TJP2: variants seen among roughly 807,000 people sequenced by gnomAD.
TJP2 encodes the protein Friedreich ataxia region gene X104 (tight junction protein ZO-2).
TJP2 carries 91 observed loss-of-function variants against 133.1 expected under a neutral mutation model. The ratio of observed to expected loss-of-function variants is 0.68; its 90% CI spans 0.58 to 0.81. The LOEUF (loss-of-function observed/expected upper bound fraction) is 0.81, where lower values mean the gene tolerates loss of function less well. Ranked by LOEUF, TJP2 falls within the 40% of genes least tolerant of loss-of-function variation. The pLI, the probability that TJP2 is intolerant of heterozygous loss-of-function variation, is 0.00. For missense variants in TJP2, 1,541 were observed against 1,565.6 expected (o/e 0.98, Z 0.26); for synonymous variants, 592 against 583.4 (o/e 1.01, Z -0.21).
intron 1 of TJP2, among the ~76,000 whole-genome samples, chr9:69,187,652 G>A (rs1348732363): frequency 1.3e-5 from 2 of 152,234 alleles, no homozygotes; most frequent in Non-Finnish European, 2.9e-5. Context: ...CAGAAGATCG[G>A]TGTGTTTTCA....
At chr9:69,155,798 AC>A (rs751393612) in intron 2 of TJP2, among the ~76,000 whole-genome samples, 5 of 152,134 alleles carry the variant, frequency 3.3e-5, no homozygotes, top group Non-Finnish European at 7.4e-5. Context: ...TACTGCCCTC[AC>A]CCCCTTAAGA....
intron 18 of TJP2, among the ~76,000 whole-genome samples, chr9:69,247,500 G>C (rs1034133037): frequency 1.3e-5 from 2 of 152,220 alleles, no homozygotes; most frequent in African/African-American, 2.4e-5. Flanking sequence ...TTGAGAACTA[G>C]ATGTGTAGTC....
At position 69,246,468 on chromosome 9, in the gene TJP2, C is replaced by T. The variant is rs566871888; in HGVS notation, c.2567-222C>T. 4.3e-4 allele frequency: 228 copies of T among 531,218 alleles called. 2 individuals carry two copies. In the South Asian group the frequency reaches 4.5e-3, roughly 10 times the overall value. The allele number at this position is 531,218 out of a possible 1,614,324, so 32.9% of individuals were successfully genotyped here. On this transcript the variant is annotated intron_variant, in intron 17 of 22. Transcript: ENST00000377245. ...AAACATTCTAAAAATCTATTTTTAG[C>T]TTTATCACATCCACCTATAATGTGA...
intron 1 of TJP2, among the ~76,000 whole-genome samples, chr9:69,204,298 A>G (rs7038854): frequency 0.38 from 57,747 of 152,070 alleles, 11,229 homozygotes; most frequent in South Asian, 0.44. Flanking sequence ...TTACATTTGC[A>G]CGCTGTTTGG....
At chr9:69,197,138 G>T (rs1471202072) in intron 1 of TJP2, among the ~76,000 whole-genome samples, 1 of 152,056 alleles carries the variant, frequency 6.6e-6, no homozygotes, top group Non-Finnish European at 1.5e-5. Context: ...CTAATTTTTT[G>T]TGTTTTTAGT....
At chr9:69,149,235 C>T (rs1037957529) in intron 1 of TJP2, among the ~76,000 whole-genome samples, 2 of 152,146 alleles carry the variant, frequency 1.3e-5, no homozygotes, top group Non-Finnish European at 2.9e-5. Flanking sequence ...GCAGAAAACT[C>T]CTTAAATTAA....
chr9:69,194,370 T>G (rs1223110829), intron 1 of TJP2, among the ~76,000 whole-genome samples: 1 of 152,204 alleles, frequency 6.6e-6, no homozygotes. Context: ...TGCCGTTTGA[T>G]CTATAGTTAA....
At chr9:69,179,115 G>C (rs559169757) in intron 1 of TJP2, among the ~76,000 whole-genome samples, 1 of 152,172 alleles carries the variant, frequency 6.6e-6, no homozygotes, top group Non-Finnish European at 1.5e-5. Context: ...GCAGGCGAAT[G>C]AATCAAGGAG....
chr9:69,254,485 T>C lies in TJP2; in HGVS notation c.*111T>C, dbSNP rs1464458532. On this transcript the variant is annotated 3_prime_UTR_variant, in exon 23 of 23. Transcript: ENST00000377245. ...GTTAGAATGCACCATGGAGACGTGG[T>C]GGGACTCCAGCTCGTGTGTCCTCAT... The C allele has an allele frequency of 7.2e-7, 1 of 1,396,398 alleles. No homozygotes were observed. The highest frequency in any genetic ancestry group is 1.8e-5 in the Admixed American group (1 of 55,048). The allele number at this position is 1,396,398 out of a possible 1,614,324, so 86.5% of individuals were successfully genotyped here. A position where few individuals can be genotyped will look rare whatever the true frequency, so the allele number is the denominator to read the frequency against.
At chr9:69,221,865 T>A (rs1172488396) in intron 5 of TJP2, among the ~76,000 whole-genome samples, 1 of 80,152 alleles carries the variant, frequency 1.2e-5, no homozygotes, top group Non-Finnish European at 2.4e-5. Flanking sequence ...AATAGCTACT[T>A]TTTTTTTTTT....
chr9:69,231,747 C>CT (rs1481955578), intron 11 of TJP2, among the ~76,000 whole-genome samples: 6 of 152,144 alleles, frequency 3.9e-5, no homozygotes, highest in African/African-American at 1.4e-4. Context: ...ATCTAGAAGA[C>CT]TATGTACCTG....
intron 17 of TJP2, 43 bp from the exon 18 acceptor site, chr9:69,246,647 C>T (rs552355386): frequency 1.3e-5 from 20 of 1,512,014 alleles, no homozygotes; most frequent in Non-Finnish European, 1.7e-5. Context: ...AATAAACATG[C>T]CTCTGGAAAT....
chr9:69,221,188 G>T lies in TJP2; in HGVS notation c.644G>T (p.Arg215Leu). 6.3e-7 allele frequency: 1 copy of T among 1,599,618 alleles called. No individual in the cohort carries two copies. Among genetic ancestry groups the T allele is most frequent in the Non-Finnish European group, 8.5e-7 (1 of 1,173,118 alleles). ...CAAGACCATGCGCGCACCCGAGACC[G>T]CAGCCGTGGCCGGAGCCTGGAGCGG... ...LDQDHARTRD[R>L]SRGRSLERGL... The change falls in exon 5 of 23, where the codon CGC becomes CTC. Residue 215 changes from arginine (R) to leucine (L), a missense_variant. By Grantham distance (102) the Arg-to-Leu change is moderately radical. Coordinates refer to ENST00000377245, the MANE Select transcript of TJP2 (RefSeq NM_004817.4).
chr9:69,248,823 A>G (rs1831116464), intron 19 of TJP2: 1 of 994,438 alleles, frequency 1.0e-6, no homozygotes, highest in African/African-American at 1.7e-5. Context: ...CAAGTTAGCA[A>G]TTATTAGTTG....
intron 1 of TJP2, among the ~76,000 whole-genome samples, chr9:69,180,543 T>C (rs1205101853): frequency 6.6e-6 from 1 of 152,230 alleles, no homozygotes; most frequent in African/African-American, 2.4e-5. Flanking sequence ...GTTTCTTTGA[T>C]GCCTACTAAA....
At chr9:69,177,676 GCT>G (rs1486151902) in intron 1 of TJP2, among the ~76,000 whole-genome samples, 1 of 151,094 alleles carries the variant, frequency 6.6e-6, no homozygotes, top group Non-Finnish European at 1.5e-5. Flanking sequence ...ATGGAGTCTT[GCT>G]CTGTTGCCCA....
chr9:69,190,609 C>T (rs1483704883), intron 1 of TJP2, among the ~76,000 whole-genome samples: 1 of 152,038 alleles, frequency 6.6e-6, no homozygotes, highest in African/African-American at 2.4e-5. Flanking sequence ...TAAGGACAGA[C>T]CTAAAGTTTG....
intron 4 of TJP2, among the ~76,000 whole-genome samples, chr9:69,219,897 C>T (rs944441558): frequency 1.4e-4 from 21 of 150,978 alleles, no homozygotes; most frequent in Middle Eastern, 3.4e-3. Context: ...CAGTGGTTCA[C>T]GCCAGCACTT....
chr9:69,226,029 G>A lies in TJP2; in HGVS notation c.1064G>A (p.Gly355Glu). 1 of 1,613,988 alleles carries A rather than the reference G, an allele frequency of 6.2e-7. No individual in the cohort carries two copies. Among genetic ancestry groups the A allele is most frequent in the Non-Finnish European group, 8.5e-7 (1 of 1,179,970 alleles). The change falls in exon 7 of 23, where the codon GGG (glycine) becomes GAG (glutamate). Residue 355 changes from glycine to glutamate, a missense_variant. By Grantham distance (98) the Gly-to-Glu change is moderately conservative (BLOSUM62 -2). Transcript: ENST00000377245. ...HEGDIILKIN[G>E]TVTENMSLTD... ...CATTTTTTATAAACACAGATCAATG[G>A]GACTGTAACTGAGAACATGTCTTTA...
Sources: gnomAD v4.1 joint callset for allele counts (sites outside exome capture counted in the v4.1 genomes callset) on GRCh38, gnomAD v4.1.1 for gene constraint, MANE v1.5 for transcripts, NCBI Gene and HGNC (gene_info 2026-07-23, HGNC 2026-07-21) for gene names.